PIKFYVE: variants seen among roughly 807,000 people sequenced by gnomAD.
PIKFYVE encodes the protein phosphoinositide kinase, FYVE-type zinc finger containing.
Under a neutral mutation model 257.9 loss-of-function variants are expected in PIKFYVE, and 122 were observed. The observed-to-expected ratio is 0.47, with a 90% CI of 0.41 to 0.55. PIKFYVE has a LOEUF of 0.55. Among genes scored for constraint, PIKFYVE ranks in the 20% least tolerant of loss-of-function variants. PIKFYVE has a pLI of 0.00. For synonymous variants in PIKFYVE, 892 were observed against 868.9 expected (o/e 1.03, Z -0.47); for missense variants, 2,160 against 2,536.6 (o/e 0.85, Z 3.19).
Position 208,340,141 on chromosome 2 carries a change from A to G in PIKFYVE, c.4931+10A>G. 1 of 1,613,910 alleles carries G rather than the reference A, an allele frequency of 6.2e-7. No individual in the cohort carries two copies. On this transcript the variant is annotated intron_variant, in intron 31 of 41. Coordinates refer to ENST00000264380, the MANE Select transcript of PIKFYVE (RefSeq NM_015040.4). ...CTATTCCATTTCCTTTGTAAGTATT[A>G]TTAAAACCAGTGGCTCTTAGCAGGG...
chr2:208,333,786 C>T lies in PIKFYVE; in HGVS notation c.4142+293C>T, dbSNP rs533999563. ...CTTGGTCGATCTACTACCAGCCTCACTCTTTTTTTAAAAAAAGTTTTAATA... is the reference window on the plus strand; with the variant it reads ...CTTGGTCGATCTACTACCAGCCTCATTCTTTTTTTAAAAAAAGTTTTAATA... On this transcript the variant is annotated intron_variant, in intron 24 of 41. Transcript: ENST00000264380. Among the ~76,000 whole-genome samples the T allele has an allele frequency of 7.9e-5, 12 of 152,286 alleles. No individual in the cohort carries two copies. In the East Asian group the frequency reaches 2.3e-3, roughly 29 times the overall value.
Position 208,273,634 on chromosome 2 carries a change from A to G in PIKFYVE, c.223A>G (p.Thr75Ala). ...GEQQPLSGSW[T>A]SPQLPSRTQS... ...ACAGCAGCCTTTGAGTGGAAGTTGG[A>G]CCAGCCCTCAGCTCCCTTCGAGGAC... Residue 75 changes from threonine (T) to alanine (A), a missense_variant, in exon 3 of 42, where the codon ACC becomes GCC. Coordinates refer to ENST00000264380, the MANE Select transcript of PIKFYVE (RefSeq NM_015040.4). 6.2e-7 allele frequency: 1 copy of G among 1,614,136 alleles called. No homozygotes were observed. The highest frequency in any genetic ancestry group is 8.5e-7 in the Non-Finnish European group (1 of 1,180,036).
chr2:208,325,069 G>T lies in PIKFYVE; in HGVS notation c.2458+32G>T, dbSNP rs374142769. On this transcript the variant is annotated intron_variant, in intron 19 of 41. Transcript: ENST00000264380. ...GATCTTTAGCATAGATTGACCTGAG[G>T]AAAAGAGTTAACTTATCACTACTAC... is the stretch of plus-strand genomic sequence containing the variant. The T allele has an allele frequency of 1.9e-5, 31 of 1,613,388 alleles. No individual in the cohort carries two copies. In the African/African-American group the frequency reaches 4.0e-4, roughly 21 times the overall value.
In PIKFYVE at chr2:208,300,921, G is replaced by C. The variant is rs745848784; in HGVS notation, c.1051-16G>C. On this transcript the variant is annotated splice_polypyrimidine_tract_variant and intron_variant, in intron 8 of 41. Coordinates refer to ENST00000264380, the MANE Select transcript of PIKFYVE (RefSeq NM_015040.4). ...TTTTTCTCAAGGGTAACTACTTGCT[G>C]TTAATGTGATTGCAGGACAGTGTGC... is the stretch of plus-strand genomic sequence containing the variant. 4 of 1,613,886 alleles carry C rather than the reference G, an allele frequency of 2.5e-6. No homozygotes were observed. Among genetic ancestry groups the C allele is most frequent in the Non-Finnish European group, 3.4e-6 (4 of 1,179,962 alleles).
chr2:208,325,879 C>G lies in PIKFYVE; in HGVS notation c.3068C>G (p.Thr1023Ser), dbSNP rs1463977863. The change falls in exon 20 of 42, where the codon ACT becomes AGT. Residue 1023 changes from threonine (T) to serine (S), a missense_variant. By Grantham distance (58) the Thr-to-Ser change is moderately conservative (BLOSUM62 1). This residue lies in a region of PIKFYVE where 522 missense variants were observed against 514.6 expected (regional missense o/e 1.01). Transcript: ENST00000264380. ...RAFRDPLQDD[T>S]GLYVTEEVTS... ...TTTAGAGACCCTCTACAGGATGACA[C>G]TGGATTATATGTTACTGAGGAAGTC... The G allele has an allele frequency of 6.2e-7, 1 of 1,614,084 alleles. No homozygotes were observed. The highest frequency in any genetic ancestry group is 1.7e-5 in the Admixed American group (1 of 60,018).
At position 208,312,308 on chromosome 2, in the gene PIKFYVE, A is replaced by C. The variant is rs770463919; in HGVS notation, c.1696+13A>C. The C allele has an allele frequency of 6.3e-7, 1 of 1,591,844 alleles. No homozygotes were observed. The highest frequency in any genetic ancestry group is 8.6e-7 in the Non-Finnish European group (1 of 1,162,536). The stretch of plus-strand genomic sequence containing the variant: ...GCTTTCATCAAAGGTAATTTTATAA[A>C]AAGCTGTATGTGGAATGGTGTCTCT... On this transcript the variant is annotated intron_variant, in intron 13 of 41. Transcript: ENST00000264380.
At chr2:208,344,463 C>A (rs1370766568) in intron 32 of PIKFYVE, among the ~76,000 whole-genome samples, 1 of 152,046 alleles carries the variant, frequency 6.6e-6, no homozygotes, top group Non-Finnish European at 1.5e-5. Flanking sequence ...ATAAGCTTCT[C>A]ACTTTATTTA....
Position 208,353,947 on chromosome 2 carries a change from C to A in PIKFYVE, c.5894C>A (p.Thr1965Asn). 4 of 1,613,988 alleles carry A rather than the reference C, an allele frequency of 2.5e-6. No homozygotes were observed. Among genetic ancestry groups the A allele is most frequent in the Non-Finnish European group, 3.4e-6 (4 of 1,179,944 alleles). The change falls in exon 40 of 42, where the codon ACT becomes AAT. Residue 1965 changes from threonine (T) to asparagine (N), a missense_variant. Physicochemically the swap from Thr to Asn is moderately conservative, Grantham distance 65. Transcript: ENST00000264380. Reference protein sequence around the residue: ...SLRNRNVKTDTGKESCDVVLL... With the variant: ...SLRNRNVKTDNGKESCDVVLL... ...AGGAATCGGAATGTAAAAACTGACA[C>A]TGGAAAAGAGAGTTGTGATGTGGTC...
intron 1 of PIKFYVE, among the ~76,000 whole-genome samples, chr2:208,267,342 C>T (rs1574363184): frequency 1.3e-5 from 2 of 152,252 alleles, no homozygotes; most frequent in East Asian, 3.9e-4. Context: ...TAAATCTCTT[C>T]TGTGGAGCAA....
intron 5 of PIKFYVE, among the ~76,000 whole-genome samples, chr2:208,278,087 A>G (rs560395544): frequency 5.3e-5 from 8 of 152,326 alleles, no homozygotes; most frequent in Admixed American, 2.6e-4. Context: ...ATTGTGTCTT[A>G]CTCAGATTCC....
At chr2:208,308,052 A>G (rs527634557) in intron 12 of PIKFYVE, among the ~76,000 whole-genome samples, 1 of 152,274 alleles carries the variant, frequency 6.6e-6, no homozygotes, top group Non-Finnish European at 1.5e-5. Flanking sequence ...AGGATTTGAA[A>G]TGATAGATAT....
intron 22 of PIKFYVE, 102 bp from the exon 23 acceptor site, chr2:208,330,421 G>A (rs1298556197): frequency 8.7e-6 from 12 of 1,372,432 alleles, no homozygotes; most frequent in Non-Finnish European, 4.1e-6. Flanking sequence ...AGAGCAGCAT[G>A]AGTACCTTGT....
chr2:208,278,058 C>T (rs1044859187), intron 5 of PIKFYVE, among the ~76,000 whole-genome samples: 3 of 152,184 alleles, frequency 2.0e-5, no homozygotes, highest in Non-Finnish European at 4.4e-5. Context: ...AATTACATGA[C>T]ACTGTGCTTT....
chr2:208,347,821 CCT>C, intron 34 of PIKFYVE, 36 bp from the exon 35 acceptor site: 11 of 1,546,910 alleles, frequency 7.1e-6, no homozygotes, highest in Non-Finnish European at 9.7e-6. Context: ...TCTGTAGTGA[CCT>C]GTACTTAAAA....
chr2:208,271,322 G>A (rs886555203), intron 1 of PIKFYVE, among the ~76,000 whole-genome samples, 189 bp from the exon 2 acceptor site: 4 of 152,016 alleles, frequency 2.6e-5, no homozygotes, highest in African/African-American at 9.7e-5. Flanking sequence ...TAGATGATTG[G>A]GGCTCTTATG....
rs1696862142 is a variant in PIKFYVE, at chr2:208,325,796, G to A, written c.2985G>A (p.Gln995=). 6.2e-7 allele frequency: 1 copy of A among 1,614,122 alleles called. No individual in the cohort carries two copies. The highest frequency in any genetic ancestry group is 1.3e-5 in the African/African-American group (1 of 75,048). Residue 995 remains glutamine, a synonymous_variant, in exon 20 of 42, where the codon CAG becomes CAA. Transcript: ENST00000264380. ...DDQQDALGSE[Q]PETLQQTVVL... is the part of the protein sequence containing the mutation. ...AACAAGATGCTTTAGGCAGCGAGCA[G>A]CCAGAGACTTTGCAGCAAACAGTTG...
At position 208,285,829 on chromosome 2, in the gene PIKFYVE, T is replaced by A. The variant is rs1214078883; in HGVS notation, c.717T>A (p.Ser239=). The change falls in exon 6 of 42, where the codon TCT becomes TCA. Residue 239 remains serine (S), a synonymous_variant. Coordinates refer to ENST00000264380, the MANE Select transcript of PIKFYVE (RefSeq NM_015040.4). ...IGEDLNALSD[S]ACSVSVLDPS... ...AAGACTTGAATGCTCTTTCAGATTC[T>A]GCTTGCTCTGTGTCTGTGCTTGATC... 6.2e-7 allele frequency: 1 copy of A among 1,613,996 alleles called. No individual in the cohort carries two copies. The highest frequency in any genetic ancestry group is 1.3e-5 in the African/African-American group (1 of 74,924).
Position 208,354,568 on chromosome 2 carries a change from C to G in PIKFYVE, c.6107-3C>G, listed in dbSNP as rs1700043228. The G allele has an allele frequency of 6.2e-7, 1 of 1,609,222 alleles. No individual in the cohort carries two copies. The highest frequency in any genetic ancestry group is 1.7e-5 in the Admixed American group (1 of 59,992). ...TGCTAATTTCACTCCTTCTACCCCC[C>G]AGATTATATTCGAACATTTACATGG... On this transcript the variant is annotated splice_polypyrimidine_tract_variant and splice_region_variant and intron_variant, in intron 40 of 41. Transcript: ENST00000264380.
At chr2:208,303,044 T>TGCACTCCA (rs1427787474) in intron 10 of PIKFYVE, among the ~76,000 whole-genome samples, 1 of 152,084 alleles carries the variant, frequency 6.6e-6, no homozygotes, top group Non-Finnish European at 1.5e-5. Flanking sequence ...ATTGCGCCAC[T>TGCACTCCA]GCACTCCAGC....
Sources: allele counts gnomAD v4.1 joint callset (sites outside exome capture counted in the v4.1 genomes callset), GRCh38; gene constraint gnomAD v4.1.1; regional missense constraint gnomAD v4.1.1; transcripts MANE v1.5; gene names NCBI Gene and HGNC (gene_info 2026-07-23, HGNC 2026-07-21).